Variants in CCDC73 observed in about 807,000 individuals in gnomAD.
CCDC73 encodes the protein coiled-coil domain containing 73.
In CCDC73, 95 loss-of-function variants were observed where a neutral mutation model predicts 116.5. That is an observed-to-expected ratio of 0.82 (90% CI 0.69 to 0.97). CCDC73 has a LOEUF of 0.97. Ranked by LOEUF, CCDC73 falls within the 50% of genes least tolerant of loss-of-function variation. The pLI is 0.00. For missense variants in CCDC73, 1,066 were observed against 1,206.8 expected (o/e 0.88, Z 1.73); for synonymous variants, 398 against 401.3 (o/e 0.99, Z 0.10).
chr11:32,730,190 C>T (rs1255421736), intron 2 of CCDC73, among the ~76,000 whole-genome samples: 1 of 152,216 alleles, frequency 6.6e-6, no homozygotes. Context: ...TAGACCACTA[C>T]TATATAATAC....
rs138924748 is a variant in CCDC73, at chr11:32,792,440, A to C, written c.-16+2173T>G. 1.9e-3 allele frequency among the ~76,000 whole-genome samples: 288 copies of C among 152,342 alleles called. 1 individual carries two copies. Among genetic ancestry groups the C allele is most frequent in the African/African-American group, 6.4e-3 (268 of 41,578 alleles). On this transcript the variant is annotated intron_variant, in intron 1 of 17. Coordinates refer to ENST00000335185, the MANE Select transcript of CCDC73 (RefSeq NM_001008391.4). ...AGTTTAAGAATGCTGTGAGTTCAAA[A>C]AAAGTTAGGTTAAACAAGTTCCTTC...
At chr11:32,700,065 T>A (rs1407715808) in intron 5 of CCDC73, among the ~76,000 whole-genome samples, 1 of 151,676 alleles carries the variant, frequency 6.6e-6, no homozygotes, top group African/African-American at 2.4e-5. Context: ...TAATGACAAA[T>A]CATTTTATCA....
At chr11:32,784,079 C>T (rs11031981) in intron 1 of CCDC73, among the ~76,000 whole-genome samples, 15,395 of 152,224 alleles carry the variant, frequency 0.1, 1,046 homozygotes, top group Non-Finnish European at 0.15. Context: ...CCTATAATCT[C>T]AGCACTTTGG....
At chr11:32,707,066 G>T (rs1049075775) in intron 3 of CCDC73, among the ~76,000 whole-genome samples, 3 of 152,060 alleles carry the variant, frequency 2.0e-5, no homozygotes, top group African/African-American at 2.4e-5. Context: ...GTAAGGTTCA[G>T]ATCCACCCAT....
At chr11:32,789,830 A>T (rs1788353304) in intron 1 of CCDC73, among the ~76,000 whole-genome samples, 1 of 152,188 alleles carries the variant, frequency 6.6e-6, no homozygotes, top group African/African-American at 2.4e-5. Flanking sequence ...AGATACGGAT[A>T]TACAAAATAA....
chr11:32,637,020 T>TTTCTTTTTC (rs762886788), intron 13 of CCDC73, among the ~76,000 whole-genome samples: 3 of 136,020 alleles, frequency 2.2e-5, no homozygotes, highest in Non-Finnish European at 4.7e-5. Flanking sequence ...TCTTTTTCTT[T>TTTCTTTTTC]TTTTTTTTTT....
intron 4 of CCDC73, among the ~76,000 whole-genome samples, chr11:32,701,898 GA>G (rs1476099200): frequency 6.6e-6 from 1 of 151,816 alleles, no homozygotes; most frequent in Non-Finnish European, 1.5e-5. Flanking sequence ...CACACACAAA[GA>G]AAAAAACAAA....
At chr11:32,629,930 AAAAAC>A (rs2133236966) in intron 14 of CCDC73, among the ~76,000 whole-genome samples, 1 of 149,020 alleles carries the variant, frequency 6.7e-6, no homozygotes, top group South Asian at 2.1e-4. Context: ...GCAAAAAAAA[AAAAAC>A]AAAAAAAAAA....
intron 2 of CCDC73, chr11:32,758,413 C>A: frequency 2.0e-6 from 1 of 493,094 alleles, no homozygotes; most frequent in South Asian, 1.5e-5. Context: ...CGTGGCATGC[C>A]TCCAAGTAGA....
At chr11:32,646,690 T>C (rs1197186472) in intron 12 of CCDC73, among the ~76,000 whole-genome samples, 3 of 152,200 alleles carry the variant, frequency 2.0e-5, no homozygotes, top group African/African-American at 7.2e-5. Flanking sequence ...ATGATATGCA[T>C]TGGTATTGGG....
At chr11:32,640,637 T>G (rs193190110) in intron 13 of CCDC73, among the ~76,000 whole-genome samples, 1 of 152,288 alleles carries the variant, frequency 6.6e-6, no homozygotes, top group African/African-American at 2.4e-5. Flanking sequence ...CTGATAAAAT[T>G]AAATACAAAA....
chr11:32,824,286 T>C, the CCDC73 span, among the ~76,000 whole-genome samples: 10 of 152,220 alleles, frequency 6.6e-5, no homozygotes, highest in Non-Finnish European at 1.5e-4. Context: ...ATAAAATATA[T>C]AATTTGTGTT....
At chr11:32,735,499 G>A (rs1241937928) in intron 2 of CCDC73, among the ~76,000 whole-genome samples, 1 of 152,140 alleles carries the variant, frequency 6.6e-6, no homozygotes, top group Non-Finnish European at 1.5e-5. Context: ...ACAAACCACT[G>A]CTCAACAAAA....
chr11:32,653,856 T>C (rs1855848205), intron 11 of CCDC73, 122 bp downstream of exon 11: 3 of 1,112,374 alleles, frequency 2.7e-6, no homozygotes, highest in Admixed American at 6.6e-5. Flanking sequence ...AGTATACACA[T>C]GTACATTTAA....
At position 32,683,591 on chromosome 11, in the gene CCDC73, G is replaced by A. The variant is rs745645697; in HGVS notation, c.391-17C>T. The A allele has an allele frequency of 8.6e-6, 12 of 1,400,722 alleles. No individual in the cohort carries two copies. Among genetic ancestry groups the A allele is most frequent in the Admixed American group, 1.8e-5 (1 of 55,316 alleles). 86.8% of individuals were successfully genotyped at this position (1,400,722 alleles called of 1,614,324 possible). A position where few individuals can be genotyped will look rare whatever the true frequency, so the allele number is the denominator to read the frequency against. On this transcript the variant is annotated splice_polypyrimidine_tract_variant and intron_variant, in intron 6 of 17. Transcript: ENST00000335185. Reference sequence around the variant, plus strand: ...TTTAGAAACCTTGAAAAATAAGGGGGAAAAATCTCATTAAAATACTTTAAT... The same window carrying A: ...TTTAGAAACCTTGAAAAATAAGGGGAAAAAATCTCATTAAAATACTTTAAT...
intron 2 of CCDC73, among the ~76,000 whole-genome samples, chr11:32,727,633 C>T (rs1373673617): frequency 2.0e-5 from 3 of 152,082 alleles, no homozygotes; most frequent in African/African-American, 2.4e-5. Flanking sequence ...AGCGCAGTGG[C>T]GCCATCTCGG....
chr11:32,623,035 G>C (rs1458731479), intron 14 of CCDC73, among the ~76,000 whole-genome samples: 1 of 151,960 alleles, frequency 6.6e-6, no homozygotes, highest in Non-Finnish European at 1.5e-5. Flanking sequence ...TTGAGATGGA[G>C]TTTCGCTCTT....
At chr11:32,716,542 T>C (rs1003903820) in intron 3 of CCDC73, among the ~76,000 whole-genome samples, 2 of 152,190 alleles carry the variant, frequency 1.3e-5, no homozygotes, top group South Asian at 2.1e-4. Context: ...CAAAAATATG[T>C]TCTTGACATT....
At chr11:32,677,263 A>G (rs1379430211) in intron 7 of CCDC73, among the ~76,000 whole-genome samples, 1 of 152,142 alleles carries the variant, frequency 6.6e-6, no homozygotes, top group Non-Finnish European at 1.5e-5. Context: ...CAGCACCACT[A>G]TTTACTTTAT....
Sources: allele counts gnomAD v4.1 joint callset (sites outside exome capture counted in the v4.1 genomes callset), GRCh38; gene constraint gnomAD v4.1.1; transcripts MANE v1.5; gene names NCBI Gene and HGNC (gene_info 2026-07-23, HGNC 2026-07-21).